STAT3: variants seen among roughly 807,000 people sequenced by gnomAD.
STAT3 encodes signal transducer and activator of transcription 3, also known as DNA-binding protein APRF.
In STAT3, 7 loss-of-function variants were observed where a neutral mutation model predicts 114.3. The ratio of observed to expected loss-of-function variants is 0.06; its 90% CI spans 0.03 to 0.11. STAT3 has a LOEUF of 0.11. Among genes scored for constraint, STAT3 ranks in the 10% least tolerant of loss-of-function variants. The pLI is 1.00. For synonymous variants in STAT3, 331 were observed against 354.5 expected (o/e 0.93, Z 0.74); for missense variants, 364 against 960.9 (o/e 0.38, Z 8.21).
chr17:42,369,642 C>CT (rs1023240324), intron 1 of STAT3, among the ~76,000 whole-genome samples: 16 of 151,560 alleles, frequency 1.1e-4, no homozygotes, highest in Admixed American at 2.6e-4. Context: ...AATTCAGTTT[C>CT]TTTTTTTTGT....
At position 42,313,397 on chromosome 17, in the gene STAT3, A is replaced by G. The variant is rs2081143826; in HGVS notation, c.*2348T>C. The stretch of plus-strand genomic sequence containing the variant: ...AATATACCAAAAAAAAAAAAAAAAA[A>G]AAAAGACAAAAAACCTCACAATAAT... On this transcript the variant is annotated 3_prime_UTR_variant, in exon 24 of 24. Transcript: ENST00000264657. The G allele has an allele frequency of 5.0e-6, 1 of 201,574 alleles. No individual in the cohort carries two copies. The highest frequency in any genetic ancestry group is 1.0e-5 in the Non-Finnish European group (1 of 97,786). The allele number at this position is 201,574 out of a possible 1,614,324, so 12.5% of individuals were successfully genotyped here. A position where few individuals can be genotyped will look rare whatever the true frequency, so the allele number is the denominator to read the frequency against.
chr17:42,329,226 G>C (rs2081881245), intron 14 of STAT3, among the ~76,000 whole-genome samples, 184 bp downstream of exon 14: 1 of 152,206 alleles, frequency 6.6e-6, no homozygotes, highest in Admixed American at 6.5e-5. Context: ...AATGTTCCAA[G>C]CCAGAGAGCT....
chr17:42,329,496 T>A (rs376026536), intron 13 of STAT3, 39 bp from the exon 14 acceptor site: 1 of 1,614,040 alleles, frequency 6.2e-7, no homozygotes, highest in Non-Finnish European at 8.5e-7. Context: ...TGTGAGGCTC[T>A]CCCTAGCCCT....
At position 42,316,794 on chromosome 17, in the gene STAT3, T is replaced by G; in HGVS notation, c.2252A>C (p.Gln751Pro). 1 of 1,613,774 alleles carries G rather than the reference T, an allele frequency of 6.2e-7. No homozygotes were observed. The highest frequency in any genetic ancestry group is 8.5e-7 in the Non-Finnish European group (1 of 1,179,930). ...GEGAEPSAGG[Q>P]FESLTFDMEL... ...TCTGTCAACCAAATACTCACCAAAC[T>G]GCCCTCCTGCTGAGGGTTCAGCACC... Residue 751 changes from glutamine (Q) to proline (P), a missense_variant, in exon 23 of 24, where the codon CAG becomes CCG. Around this residue, in one of 5 missense-constraint regions of STAT3, gnomAD observed 37 missense variants for 66.5 expected, o/e 0.56. Coordinates refer to ENST00000264657, the MANE Select transcript of STAT3 (RefSeq NM_139276.3).
intron 21 of STAT3, among the ~76,000 whole-genome samples, chr17:42,319,541 CAAAAAAAAAA>C (rs552897255): frequency 2.3e-4 from 10 of 43,846 alleles, no homozygotes; most frequent in African/African-American, 1.1e-3. Context: ...GACTCAGGCT[CAAAAAAAAAA>C]AAAAAAAAAA....
rs373623739 is a variant in STAT3, at chr17:42,337,714, C to T, written c.645+49G>A. 84 of 1,613,474 alleles carry T rather than the reference C, an allele frequency of 5.2e-5. No individual in the cohort carries two copies. Among genetic ancestry groups the T allele is most frequent in the Non-Finnish European group, 6.2e-5 (73 of 1,179,584 alleles). ...GTTCTGCCACAAGACGCTGAAATCC[C>T]GCAAGTGAGCGAGACACATGGGGGA... On this transcript the variant is annotated intron_variant, in intron 7 of 23. Transcript: ENST00000264657. The surrounding 1 kb of genome is among the most constrained non-coding windows in gnomAD (Gnocchi z 4.0).
chr17:42,352,587 G>A (rs79797870), intron 1 of STAT3, among the ~76,000 whole-genome samples: 9,183 of 151,362 alleles, frequency 0.061, 345 homozygotes, highest in Non-Finnish European at 0.074. Context: ...CTCACATGGA[G>A]GTTGCAGTGA....
rs2081904025 is a variant in STAT3, at chr17:42,329,581, G to T, written c.1206C>A (p.Gly402=). 3 of 1,614,240 alleles carry T rather than the reference G, an allele frequency of 1.9e-6. No individual in the cohort carries two copies. ...AGTGTTTGAATTCTGCAGAGAGGCT[G>T]CCGTTGTTGGATTCTTCCATGTTCA... ...KVMNMEESNN[G]SLSAEFKHLT... Residue 402 remains glycine, a synonymous_variant, in exon 13 of 24, where the codon GGC becomes GGA. Transcript: ENST00000264657.
intron 21 of STAT3, among the ~76,000 whole-genome samples, chr17:42,321,848 G>A (rs1303872289): frequency 6.6e-6 from 1 of 152,042 alleles, no homozygotes; most frequent in Non-Finnish European, 1.5e-5. Context: ...TTTTGACACA[G>A]TATCTCACTC....
intron 1 of STAT3, among the ~76,000 whole-genome samples, chr17:42,359,221 C>A (rs980501118): frequency 1.3e-5 from 2 of 152,112 alleles, no homozygotes; most frequent in African/African-American, 4.8e-5. Flanking sequence ...AGGCGTAAAG[C>A]CACCGCACCC....
At chr17:42,338,521 T>TGACCTGAGGGAATACTCCTG (rs1265049272) in intron 6 of STAT3, among the ~76,000 whole-genome samples, 18 of 11,112 alleles carry the variant, frequency 1.6e-3, no homozygotes, top group East Asian at 2.8e-3. Flanking sequence ...GAATACTCCT[T>TGACCTGAGGGAATACTCCTG]GACCTGAGGG....
intron 14 of STAT3, among the ~76,000 whole-genome samples, chr17:42,328,365 T>C (rs1460973168): frequency 6.6e-6 from 1 of 152,252 alleles, no homozygotes; most frequent in African/African-American, 2.4e-5. Flanking sequence ...TTCACTCTAC[T>C]GTCAAGTAAA....
chr17:42,322,124 C>T (rs530760441), intron 21 of STAT3, among the ~76,000 whole-genome samples, 158 bp downstream of exon 21: 1 of 152,316 alleles, frequency 6.6e-6, no homozygotes, highest in East Asian at 1.9e-4. Context: ...CAAATCCCAT[C>T]GGTCACCCCA....
Position 42,315,759 on chromosome 17 carries a change from T to C in STAT3, c.2299A>G (p.Thr767Ala), listed in dbSNP as rs183996904. ...TTCTCAGCTCCTCACATGGGGGAGG[T>C]AGCGCACTCCGAGGTCAACTCCATG... Reference protein sequence around the residue: ...FDMELTSECATSPM With the variant: ...FDMELTSECAASPM The change falls in exon 24 of 24, where the codon ACC becomes GCC. Residue 767 changes from threonine to alanine, a missense_variant. Transcript: ENST00000264657. The C allele has an allele frequency of 3.1e-6, 5 of 1,613,604 alleles. No homozygotes were observed. In the East Asian group the frequency reaches 6.7e-5, roughly 22 times the overall value.
chr17:42,320,078 CG>C (rs1368754439), intron 21 of STAT3, among the ~76,000 whole-genome samples: 1 of 152,110 alleles, frequency 6.6e-6, no homozygotes, highest in African/African-American at 2.4e-5. Context: ...AAGGACCAGC[CG>C]TGGGACCCCA....
rs62075766 is a variant in STAT3 at position 42,337,921 on chromosome 17, T to G, written c.551-64A>C. ...CTCCTTGACCTGAGGGAATACTCCT[T>G]GACCTGAGGGAATACTCCTGGACCT... On this transcript the variant is annotated intron_variant, in intron 6 of 23. Coordinates refer to ENST00000264657, the MANE Select transcript of STAT3 (RefSeq NM_139276.3). This position sits in a 1 kb window ranked among gnomAD's most constrained non-coding sequence, Gnocchi z 4.0. 4,393 of 969,242 alleles carry G rather than the reference T, an allele frequency of 4.5e-3. 179 individuals carry two copies. Among genetic ancestry groups the G allele is most frequent in the African/African-American group, 0.045 (1,208 of 27,070 alleles). The allele number at this position is 969,242 out of a possible 1,614,324, so 60.0% of individuals were successfully genotyped here. A position where few individuals can be genotyped will look rare whatever the true frequency, so the allele number is the denominator to read the frequency against.
chr17:42,349,955 T>C (rs916786485), intron 1 of STAT3, among the ~76,000 whole-genome samples: 3 of 151,918 alleles, frequency 2.0e-5, no homozygotes, highest in African/African-American at 7.3e-5. Context: ...ACTCAAGAGG[T>C]TGAGGCAGGA....
rs572627092 is a variant in STAT3, at chr17:42,321,533, G to A, written c.2101+749C>T. Among the ~76,000 whole-genome samples, 11 of 152,156 alleles carry A rather than the reference G, an allele frequency of 7.2e-5. No individual in the cohort carries two copies. In the South Asian group the frequency reaches 2.3e-3, roughly 32 times the overall value. On this transcript the variant is annotated intron_variant, in intron 21 of 23. Transcript: ENST00000264657. ...TACTAATCCCTTGCCCCTCCACCCA[G>A]TCACTGTCTTCCCCTTCAAACGTGA...
At position 42,315,787 on chromosome 17, in the gene STAT3, A is replaced by C. The variant is rs2144606546; in HGVS notation, c.2271T>G (p.Phe757Leu). Residue 757 changes from phenylalanine to leucine, a missense_variant, in exon 24 of 24, where the codon TTT becomes TTG. Coordinates refer to ENST00000264657, the MANE Select transcript of STAT3 (RefSeq NM_139276.3). ...CGCACTCCGAGGTCAACTCCATGTC[A>C]AAGGTGAGGGACTCTGGAGGGACAG... The part of the protein sequence containing the change: ...SAGGQFESLT[F>L]DMELTSECAT... 6.2e-7 allele frequency: 1 copy of C among 1,614,088 alleles called. No homozygotes were observed. Among genetic ancestry groups the C allele is most frequent in the Middle Eastern group, 1.7e-4 (1 of 6,048 alleles).
Sources: gnomAD v4.1 joint callset for allele counts (sites outside exome capture counted in the v4.1 genomes callset) on GRCh38, gnomAD v4.1.1 for gene constraint, gnomAD v4.1.1 regional missense constraint, Gnocchi (gnomAD v3.1) non-coding constraint, MANE v1.5 for transcripts, NCBI Gene and HGNC (gene_info 2026-07-23, HGNC 2026-07-21) for gene names.